The following PAK3 variants were observed in gnomAD, a reference collection of about 807,000 sequenced individuals.
PAK3 encodes serine/threonine-protein kinase PAK 3.
A neutral mutation model predicts 41.0 loss-of-function variants in PAK3; 4 were observed. The observed-to-expected ratio is 0.10, with a 90% confidence interval of 0.05 to 0.22. The LOEUF is 0.22. PAK3 is among the 10% of genes least tolerant of loss of function. The pLI, the probability that PAK3 is intolerant of heterozygous loss-of-function variation, is 1.00. For missense variants in PAK3, 205 were observed against 409.9 expected (o/e 0.50, Z 4.32); for synonymous variants, 146 against 139.6 (o/e 1.05, Z -0.32).
At chrX:111,196,417 A>G in intron 15 of PAK3, 27 bp from the exon 16 acceptor site, 1 of 1,173,015 alleles carries the variant, frequency 8.5e-7, no homozygotes, top group Non-Finnish European at 1.2e-6. Flanking sequence ...ATTTGGGCTT[A>G]TTTTAACTGG....
intron 1 of PAK3, among the ~76,000 whole-genome samples, chrX:111,062,973 T>G (rs5943119): frequency 9.1e-6 from 1 of 109,720 alleles, no homozygotes; most frequent in Non-Finnish European, 1.9e-5. Flanking sequence ...CAGTGCCACA[T>G]GACATCTTCA....
chrX:111,028,337 A>G (rs1378436165), intron 1 of PAK3, among the ~76,000 whole-genome samples: 1 of 109,734 alleles, frequency 9.1e-6, no homozygotes. Flanking sequence ...ATCGGAAATC[A>G]CCACTAAAGA....
chrX:111,005,274 G>A (rs1446078102), intron 1 of PAK3, among the ~76,000 whole-genome samples: 4 of 111,393 alleles, frequency 3.6e-5, no homozygotes. Flanking sequence ...CTGGTTCAAT[G>A]CTTGAGAAAC....
intron 1 of PAK3, among the ~76,000 whole-genome samples, chrX:111,080,525 G>C (rs2092825660): frequency 8.9e-6 from 1 of 112,468 alleles, no homozygotes; most frequent in Non-Finnish European, 1.9e-5. Flanking sequence ...CATATGCACT[G>C]AGAATCCAAA....
intron 8 of PAK3, among the ~76,000 whole-genome samples, chrX:111,157,560 G>A (rs1336507539): frequency 9.0e-6 from 1 of 111,084 alleles, no homozygotes; most frequent in Non-Finnish European, 1.9e-5. Context: ...GGAGGCTGAG[G>A]CGGGCGGATC....
At chrX:111,201,298 T>TGCCCATA (rs2094680539) in intron 16 of PAK3, among the ~76,000 whole-genome samples, 1 of 112,148 alleles carries the variant, frequency 8.9e-6, no homozygotes, top group Non-Finnish European at 1.9e-5. Flanking sequence ...TCAGGCTATA[T>TGCCCATA]GCCCTTATTT....
At chrX:111,209,340 G>T (rs1483992039) in intron 16 of PAK3, among the ~76,000 whole-genome samples, 1 of 111,837 alleles carries the variant, frequency 8.9e-6, no homozygotes, top group Non-Finnish European at 1.9e-5. Context: ...GATCAAAATA[G>T]AACTTATTAT....
At chrX:111,060,245 A>G (rs1255530434) in intron 1 of PAK3, among the ~76,000 whole-genome samples, 2 of 111,824 alleles carry the variant, frequency 1.8e-5, no homozygotes, top group African/African-American at 6.5e-5. Context: ...TGATTTTCGT[A>G]TGTTGAATCA....
At chrX:111,031,540 G>C (rs1466881106) in intron 1 of PAK3, among the ~76,000 whole-genome samples, 1 of 111,758 alleles carries the variant, frequency 8.9e-6, no homozygotes, top group Non-Finnish European at 1.9e-5. Flanking sequence ...AATCAGAGGT[G>C]GGAGCAGCTT....
rs1472991198 is a variant in PAK3, at chrX:111,223,666, T to C, written c.*3219T>C. ...TGCTAAAAGAAAAAGAAACACGAAA[T>C]TGCTTCCTGTTGTCTGTATAACTGT... On this transcript the variant is annotated 3_prime_UTR_variant, in exon 18 of 18. Coordinates refer to ENST00000372007, the MANE Select transcript of PAK3 (RefSeq NM_002578.5). 9.0e-6 allele frequency: 1 copy of C among 111,019 alleles called. No individual in the cohort carries two copies. The highest frequency in any genetic ancestry group is 3.3e-5 in the African/African-American group (1 of 30,406). 9.1% of individuals were successfully genotyped at this position (111,019 alleles called of 1,213,427 possible). A position where few individuals can be genotyped will look rare whatever the true frequency, so the allele number is the denominator to read the frequency against.
At chrX:111,123,052 C>CT (rs1268239641) in intron 4 of PAK3, 25 bp from the exon 5 acceptor site, 83 of 999,681 alleles carry the variant, frequency 8.3e-5, no homozygotes, top group South Asian at 1.1e-4. Context: ...CCCTCAACTC[C>CT]TTTTTTTTCC....
At chrX:111,189,685 G>A (rs1480107405) in intron 11 of PAK3, among the ~76,000 whole-genome samples, 1 of 111,675 alleles carries the variant, frequency 9.0e-6, no homozygotes, top group Non-Finnish European at 1.9e-5. Flanking sequence ...TTGATGTGGA[G>A]CATTTTTTTC....
chrX:111,147,818 C>A lies in PAK3; in HGVS notation c.358C>A (p.Leu120Ile). Residue 120 changes from leucine (L) to isoleucine (I), a missense_variant, in exon 7 of 18, where the codon CTA becomes ATA. Leu to Ile is a conservative substitution (Grantham distance 5). Around this residue, in one of 5 missense-constraint regions of PAK3, gnomAD observed 22 missense variants for 83.5 expected, o/e 0.26. Coordinates refer to ENST00000372007, the MANE Select transcript of PAK3 (RefSeq NM_002578.5). ...ACAGAAGAAGAACCCACAAGCTGTT[C>A]TAGATGTTCTCAAATTCTATGATTC... ...LEQKKNPQAV[L>I]DVLKFYDSKE... 8.4e-7 allele frequency: 1 copy of A among 1,189,457 alleles called. No homozygotes were observed. Among genetic ancestry groups the A allele is most frequent in the Non-Finnish European group, 1.1e-6 (1 of 875,180 alleles).
chrX:111,204,941 A>ATT (rs775428482), intron 16 of PAK3, among the ~76,000 whole-genome samples: 374 of 32,434 alleles, frequency 0.012, 10 homozygotes, highest in African/African-American at 0.044. Context: ...TCATCAGCAC[A>ATT]TTTTTTTTTT....
intron 9 of PAK3, 82 bp from the exon 10 acceptor site, chrX:111,163,480 A>G: frequency 1.4e-6 from 1 of 701,499 alleles, no homozygotes. Flanking sequence ...GTCTTTAAAA[A>G]TTCATTGATA....
chrX:110,990,219 TA>T (rs2091618453), intron 1 of PAK3, among the ~76,000 whole-genome samples: 2 of 111,691 alleles, frequency 1.8e-5, no homozygotes, highest in Admixed American at 1.9e-4. Context: ...ATGAGAAAAA[TA>T]AGATCTGTCT....
intron 1 of PAK3, among the ~76,000 whole-genome samples, chrX:111,041,686 C>T (rs2092453922): frequency 9.0e-6 from 1 of 111,051 alleles, no homozygotes; most frequent in Admixed American, 9.6e-5. Context: ...TACTTCCCAC[C>T]TCTCTTCCAT....
chrX:110,955,938 C>T (rs1427038250), intron 1 of PAK3, among the ~76,000 whole-genome samples: 3 of 112,064 alleles, frequency 2.7e-5, no homozygotes, highest in South Asian at 3.8e-4. Context: ...TAAAAGATCA[C>T]TTGCTTAAGT....
At chrX:111,152,469 G>A in intron 8 of PAK3, 22 bp downstream of exon 8, 1 of 1,066,908 alleles carries the variant, frequency 9.4e-7, no homozygotes, top group East Asian at 3.0e-5. Context: ...ATTGAAAACT[G>A]TTTCACATGA....
Sources: allele counts gnomAD v4.1 joint callset (sites outside exome capture counted in the v4.1 genomes callset), GRCh38; gene constraint gnomAD v4.1.1; regional missense constraint gnomAD v4.1.1; transcripts MANE v1.5; gene names NCBI Gene and HGNC (gene_info 2026-07-23, HGNC 2026-07-21).